ZNF587B: variants seen among roughly 807,000 people sequenced by gnomAD.
ZNF587B encodes the protein zinc finger protein 587B.
In ZNF587B, 6 loss-of-function variants were observed where a neutral mutation model predicts 7.2. The observed-to-expected ratio is 0.83, with a 90% confidence interval of 0.46 to 1.65. The LOEUF (loss-of-function observed/expected upper bound fraction) is 1.65. Ranked by LOEUF, ZNF587B falls within the 40% of genes most tolerant of loss-of-function variation. The probability of loss-of-function intolerance (pLI) is 0.01; values close to 1 mark genes in which losing one functional copy is unlikely to be tolerated. For missense variants in ZNF587B, 749 were observed against 761.0 expected, an observed-to-expected ratio of 0.98 and a Z score of 0.19; for synonymous variants, 274 against 254.3, an observed-to-expected ratio of 1.08 and a Z score of -0.74.
In ZNF587B at chr19:57,830,528, G is replaced by C; in HGVS notation, c.-1G>C. On this transcript the variant is annotated 5_prime_UTR_variant, in exon 1 of 3. Transcript: ENST00000594901. ...AACCCTGCTTTAAACCACGTGGTTCGATGGCGGTGGTGGCCACGCTGAGGC... is the reference window on the plus strand; with the variant it reads ...AACCCTGCTTTAAACCACGTGGTTCCATGGCGGTGGTGGCCACGCTGAGGC... The C allele has an allele frequency of 6.5e-7, 1 of 1,549,554 alleles. No homozygotes were observed. Among genetic ancestry groups the C allele is most frequent in the Non-Finnish European group, 8.7e-7 (1 of 1,147,062 alleles).
At chr19:57,840,613 G>T (rs900338470) in intron 2 of ZNF587B, among the ~76,000 whole-genome samples, 2 of 152,170 alleles carry the variant, frequency 1.3e-5, no homozygotes, top group African/African-American at 4.8e-5. Context: ...TCTACTCCCT[G>T]TGTTACATAC....
At chr19:57,838,734 G>A (rs1231458049) in intron 1 of ZNF587B, among the ~76,000 whole-genome samples, 1 of 152,206 alleles carries the variant, frequency 6.6e-6, no homozygotes, top group Non-Finnish European at 1.5e-5. Flanking sequence ...GTTCAGAGAG[G>A]GTATCTCTGC....
intron 1 of ZNF587B, among the ~76,000 whole-genome samples, chr19:57,831,409 T>C (rs541954517): frequency 3.3e-5 from 5 of 152,352 alleles, no homozygotes; most frequent in African/African-American, 1.2e-4. Flanking sequence ...TTTTATTTTT[T>C]TGAGACGGAG....
Position 57,845,539 on chromosome 19 carries a change from G to A in ZNF587B, c.*2963G>A, listed in dbSNP as rs1252896988. ...AGTGATGTAGCTTTGTGACCAGCCA[G>A]TGATCCAGTTCAATCAGGTAGAAAT... On this transcript the variant is annotated 3_prime_UTR_variant, in exon 3 of 3. Coordinates refer to ENST00000594901, the MANE Select transcript of ZNF587B (RefSeq NM_001376223.1). 3 of 152,192 alleles carry A rather than the reference G, an allele frequency of 2.0e-5. No homozygotes were observed. The highest frequency in any genetic ancestry group is 2.9e-5 in the Non-Finnish European group (2 of 68,040). 9.4% of individuals were successfully genotyped at this position (152,192 alleles called of 1,614,324 possible).
chr19:57,836,039 C>T (rs964634161), intron 1 of ZNF587B, among the ~76,000 whole-genome samples: 3 of 151,752 alleles, frequency 2.0e-5, no homozygotes, highest in Non-Finnish European at 4.4e-5. Flanking sequence ...TGCATTCACA[C>T]AGGAGAGGGA....
rs1490052062 is a variant in ZNF587B, at chr19:57,841,926, T to G, written c.1252T>G (p.Ser418Ala). 6.2e-7 allele frequency: 1 copy of G among 1,613,608 alleles called. No homozygotes were observed. The highest frequency in any genetic ancestry group is 1.7e-5 in the Admixed American group (1 of 59,896). ...TTACAAGTGTGGAGACTGTGGGAAA[T>G]CTTTTAATGAAAAAGGACACCTTAG... ...RPYKCGDCGK[S>A]FNEKGHLRSH... Residue 418 changes from serine (S) to alanine (A), a missense_variant, in exon 3 of 3, where the codon TCT becomes GCT. Physicochemically the swap from Ser to Ala is moderately conservative, Grantham distance 99. This residue lies in a region of ZNF587B where 656 missense variants were observed against 596.5 expected (regional missense o/e 1.10). Transcript: ENST00000594901.
At chr19:57,838,038 G>T (rs1457852976) in intron 1 of ZNF587B, among the ~76,000 whole-genome samples, 1 of 152,160 alleles carries the variant, frequency 6.6e-6, no homozygotes, top group Non-Finnish European at 1.5e-5. Context: ...GCTGGACACA[G>T]TGCCTCATGC....
Position 57,841,778 on chromosome 19 carries a change from C to G in ZNF587B, c.1104C>G (p.Ser368Arg). Residue 368 changes from serine to arginine, a missense_variant, in exon 3 of 3, where the codon AGC becomes AGG. Around this residue, in one of 3 missense-constraint regions of ZNF587B, gnomAD observed 656 missense variants for 596.5 expected, o/e 1.10. Transcript: ENST00000594901. The part of the protein sequence containing the change: ...ECEKSFSRKP[S>R]LSYHQRIHTE... ...AGAAATCTTTTAGTCGGAAGCCCAG[C>G]CTTAGTTACCATCAGCGCATTCACA... 2 of 1,609,786 alleles carry G rather than the reference C, an allele frequency of 1.2e-6. No individual in the cohort carries two copies. The highest frequency in any genetic ancestry group is 8.5e-7 in the Non-Finnish European group (1 of 1,178,122).
At chr19:57,838,550 G>A (rs1292116750) in intron 1 of ZNF587B, among the ~76,000 whole-genome samples, 1 of 152,128 alleles carries the variant, frequency 6.6e-6, no homozygotes, top group Non-Finnish European at 1.5e-5. Flanking sequence ...GCAGTGAGCC[G>A]AGATTGTGCC....
At position 57,841,372 on chromosome 19, in the gene ZNF587B, A is replaced by G; in HGVS notation, c.698A>G (p.Gln233Arg). The change falls in exon 3 of 3, where the codon CAG becomes CGG. Residue 233 changes from glutamine to arginine, a missense_variant. Gln to Arg is a conservative substitution (Grantham distance 43, BLOSUM62 1). Around this residue, in one of 3 missense-constraint regions of ZNF587B, gnomAD observed 656 missense variants for 596.5 expected, o/e 1.10. Transcript: ENST00000594901. ...ACCAAACATATACTCAGTCAGCACC[A>G]GAGACTTCTCCCTCGAGAAGAATGT... ...FSTKHILSQH[Q>R]RLLPREECYV... is the part of the protein sequence containing the mutation. 6.3e-7 allele frequency: 1 copy of G among 1,592,720 alleles called. No homozygotes were observed.
In ZNF587B at chr19:57,842,888, G is replaced by T; in HGVS notation, c.*312G>T. The T allele has an allele frequency of 3.0e-6, 3 of 985,408 alleles. No individual in the cohort carries two copies. Among genetic ancestry groups the T allele is most frequent in the Non-Finnish European group, 3.6e-6 (3 of 829,944 alleles). The allele number at this position is 985,408 out of a possible 1,614,324, so 61.0% of individuals were successfully genotyped here. ...AGCTGTCACTACGGAAATGCCTTTT[G>T]AATGTAATGTTTGCAAAAAAGCACT... On this transcript the variant is annotated 3_prime_UTR_variant, in exon 3 of 3. Transcript: ENST00000594901.
rs1988813828 is a variant in ZNF587B, at chr19:57,840,873, T to C, written c.199T>C (p.Ser67Pro). 3.2e-6 allele frequency: 5 copies of C among 1,546,646 alleles called. No individual in the cohort carries two copies. Among genetic ancestry groups the C allele is most frequent in the Non-Finnish European group, 4.3e-6 (5 of 1,149,474 alleles). The stretch of plus-strand genomic sequence containing the variant: ...TGGAGTGGAAGATGAGGCGGCACCT[T>C]CTAAGCAGAGTATTTATATACAAAG... ...WCGVEDEAAP[S>P]KQSIYIQRET... The change falls in exon 3 of 3, where the codon TCT (serine) becomes CCT (proline). Residue 67 changes from serine to proline, a missense_variant. Around this residue, in one of 3 missense-constraint regions of ZNF587B, gnomAD observed 72 missense variants for 147.8 expected, o/e 0.49. Coordinates refer to ENST00000594901, the MANE Select transcript of ZNF587B (RefSeq NM_001376223.1).
chr19:57,841,108 A>G lies in ZNF587B; in HGVS notation c.434A>G (p.Glu145Gly). 1 of 1,614,126 alleles carries G rather than the reference A, an allele frequency of 6.2e-7. No individual in the cohort carries two copies. The highest frequency in any genetic ancestry group is 8.5e-7 in the Non-Finnish European group (1 of 1,180,036). The change falls in exon 3 of 3, where the codon GAG becomes GGG. Residue 145 changes from glutamate to glycine, a missense_variant. By Grantham distance (98) the Glu-to-Gly change is moderately conservative. This residue lies in a region of ZNF587B where 656 missense variants were observed against 596.5 expected (regional missense o/e 1.10). Transcript: ENST00000594901. Reference protein sequence around the residue: ...FHQHQNEHIGEKPYRGSVEEA... With the variant: ...FHQHQNEHIGGKPYRGSVEEA... ...CAGCACCAGAATGAGCACATTGGAG[A>G]GAAACCCTACAGAGGGAGTGTTGAG... is the stretch of plus-strand genomic sequence containing the variant.
At chr19:57,839,895 A>G (rs1229872694) in intron 2 of ZNF587B, among the ~76,000 whole-genome samples, 1 of 151,956 alleles carries the variant, frequency 6.6e-6, no homozygotes, top group East Asian at 1.9e-4. Context: ...CCTGGCCAAG[A>G]TGGTGAAACC....
chr19:57,842,218 T>C lies in ZNF587B; in HGVS notation c.1544T>C (p.Val515Ala). The C allele has an allele frequency of 6.2e-7, 1 of 1,613,426 alleles. No individual in the cohort carries two copies. The highest frequency in any genetic ancestry group is 1.1e-5 in the South Asian group (1 of 91,018). The change falls in exon 3 of 3, where the codon GTT (valine) becomes GCT (alanine). Residue 515 changes from valine to alanine, a missense_variant. Around this residue, in one of 3 missense-constraint regions of ZNF587B, gnomAD observed 656 missense variants for 596.5 expected, o/e 1.10. Transcript: ENST00000594901. ...HKCHLTAHQR[V>A]HTGERPYECS... is the part of the protein sequence containing the mutation. ...TGCCACCTCACTGCACACCAGAGAG[T>C]TCACACTGGAGAAAGGCCATATGAA... is the stretch of plus-strand genomic sequence containing the variant.
In ZNF587B at chr19:57,841,562, A is replaced by T; in HGVS notation, c.888A>T (p.Lys296Asn). 1 of 1,578,744 alleles carries T rather than the reference A, an allele frequency of 6.3e-7. No individual in the cohort carries two copies. Among genetic ancestry groups the T allele is most frequent in the Non-Finnish European group, 8.6e-7 (1 of 1,161,852 alleles). Residue 296 changes from lysine to asparagine, a missense_variant, in exon 3 of 3, where the codon AAA (lysine) becomes AAT (asparagine). Around this residue, in one of 3 missense-constraint regions of ZNF587B, gnomAD observed 656 missense variants for 596.5 expected, o/e 1.10. Transcript: ENST00000594901. ...IQHQQFHTGG[K>N]PYGCEECGKY... ...ATCAGCAATTTCACACTGGAGGAAA[A>T]CCTTATGGGTGTGAAGAATGTGGGA... is the stretch of plus-strand genomic sequence containing the variant.
Position 57,841,924 on chromosome 19 carries a change from A to C in ZNF587B, c.1250A>C (p.Lys417Thr), listed in dbSNP as rs1398747312. The change falls in exon 3 of 3, where the codon AAA becomes ACA. Residue 417 changes from lysine (K) to threonine (T), a missense_variant. This residue lies in a region of ZNF587B where 656 missense variants were observed against 596.5 expected (regional missense o/e 1.10). Coordinates refer to ENST00000594901, the MANE Select transcript of ZNF587B (RefSeq NM_001376223.1). ...ERPYKCGDCG[K>T]SFNEKGHLRS... ...CCTTACAAGTGTGGAGACTGTGGGA[A>C]ATCTTTTAATGAAAAAGGACACCTT... 6.2e-7 allele frequency: 1 copy of C among 1,613,790 alleles called. No individual in the cohort carries two copies. The highest frequency in any genetic ancestry group is 1.3e-5 in the African/African-American group (1 of 75,034).
At chr19:57,837,401 T>G (rs1988659540) in intron 1 of ZNF587B, among the ~76,000 whole-genome samples, 1 of 151,652 alleles carries the variant, frequency 6.6e-6, no homozygotes. Flanking sequence ...GGATCACAGG[T>G]GCCCACCACC....
At chr19:57,831,742 T>C (rs1347493134) in intron 1 of ZNF587B, among the ~76,000 whole-genome samples, 2 of 145,780 alleles carry the variant, frequency 1.4e-5, no homozygotes, top group Non-Finnish European at 3.0e-5. Flanking sequence ...TCTCAGTCTG[T>C]CACCCAGCCT....
Sources: gnomAD v4.1 joint callset for allele counts (sites outside exome capture counted in the v4.1 genomes callset) on GRCh38, gnomAD v4.1.1 for gene constraint, gnomAD v4.1.1 regional missense constraint, MANE v1.5 for transcripts, NCBI Gene and HGNC (gene_info 2026-07-23, HGNC 2026-07-21) for gene names.